ASH1L: variants seen among roughly 807,000 people sequenced by gnomAD.
ASH1L encodes the protein histone-lysine N-methyltransferase ASH1L.
ASH1L carries 23 observed loss-of-function variants against 269.0 expected under a neutral mutation model. The observed-to-expected ratio is 0.09, with a 90% CI of 0.06 to 0.12. ASH1L has a LOEUF of 0.12. ASH1L is among the 10% of genes least tolerant of loss of function. The pLI, the probability that ASH1L is intolerant of heterozygous loss-of-function variation, is 1.00. For synonymous variants in ASH1L, 1,187 were observed against 1,253.5 expected (o/e 0.95, Z 1.12); for missense variants, 2,912 against 3,567.8 (o/e 0.82, Z 4.68).
chr1:155,393,009 A>G (rs899873053), intron 7 of ASH1L, among the ~76,000 whole-genome samples: 1 of 152,026 alleles, frequency 6.6e-6, no homozygotes, highest in Non-Finnish European at 1.5e-5. Context: ...TTCAAAGCCT[A>G]TTTATCATTA....
chr1:155,364,798 C>T (rs997152010), intron 12 of ASH1L, among the ~76,000 whole-genome samples: 2 of 151,542 alleles, frequency 1.3e-5, no homozygotes, highest in African/African-American at 4.9e-5. Flanking sequence ...AAAAATTAAC[C>T]AGGCATGGTG....
At chr1:155,366,736 C>A (rs969970060) in intron 12 of ASH1L, among the ~76,000 whole-genome samples, 1 of 151,972 alleles carries the variant, frequency 6.6e-6, no homozygotes, top group Non-Finnish European at 1.5e-5. Context: ...TGCAGTGGCA[C>A]GATCTCGGCT....
At chr1:155,553,987 G>C (rs1671400785) in intron 1 of ASH1L, among the ~76,000 whole-genome samples, 1 of 151,592 alleles carries the variant, frequency 6.6e-6, no homozygotes, top group African/African-American at 2.4e-5. Flanking sequence ...AGTGGAGATG[G>C]GGTTTCACCA....
At chr1:155,445,749 T>C (rs1662958896) in intron 4 of ASH1L, among the ~76,000 whole-genome samples, 2 of 152,198 alleles carry the variant, frequency 1.3e-5, no homozygotes, top group Non-Finnish European at 2.9e-5. Flanking sequence ...AATGAGTCTT[T>C]CAAAAATGCC....
chr1:155,486,854 T>TC (rs1666360554), intron 2 of ASH1L, among the ~76,000 whole-genome samples: 1 of 151,018 alleles, frequency 6.6e-6, no homozygotes, highest in Non-Finnish European at 1.5e-5. Context: ...GTATTACAGT[T>TC]TAAAAAAAAA....
At chr1:155,533,717 CAA>C (rs569067721) in intron 1 of ASH1L, among the ~76,000 whole-genome samples, 21 of 79,702 alleles carry the variant, frequency 2.6e-4, no homozygotes, top group African/African-American at 3.2e-4. Context: ...GACTCCGTCT[CAA>C]AAAAAAAAAA....
intron 1 of ASH1L, among the ~76,000 whole-genome samples, chr1:155,539,442 T>C (rs536058780): frequency 1.0e-5 from 1 of 96,234 alleles, no homozygotes; most frequent in African/African-American, 2.8e-5. Context: ...TGTTTTATTT[T>C]ATATATATAT....
rs61732805 is a variant in ASH1L, at chr1:155,438,845, G to A, written c.5310C>T (p.Val1770=). ...GKPDSLLVPA[V]TSDSCNNSIS... is the part of the protein sequence containing the mutation. ...TGCTATTATTGCAAGAGTCACTTGT[G>A]ACTGCAGGCACTAAAAGGCTGTCTG... The change falls in exon 5 of 28, where the codon GTC becomes GTT. Residue 1770 remains valine, a synonymous_variant. Coordinates refer to ENST00000392403, the MANE Select transcript of ASH1L (RefSeq NM_018489.3). The A allele has an allele frequency of 1.7e-5, 28 of 1,614,122 alleles. No homozygotes were observed. The African/African-American group carries it at 2.1e-4, about 12-fold the overall frequency.
At chr1:155,465,330 A>G (rs1664605355) in intron 3 of ASH1L, among the ~76,000 whole-genome samples, 1 of 150,622 alleles carries the variant, frequency 6.6e-6, no homozygotes, top group African/African-American at 2.4e-5. Flanking sequence ...TTAAATCAAT[A>G]GTTGGTTGGA....
At position 155,479,589 on chromosome 1, in the gene ASH1L, G is replaced by T; in HGVS notation, c.3281C>A (p.Pro1094His). 6.2e-7 allele frequency: 1 copy of T among 1,614,214 alleles called. No individual in the cohort carries two copies. The change falls in exon 3 of 28, where the codon CCT becomes CAT. Residue 1094 changes from proline (P) to histidine (H), a missense_variant. Physicochemically the swap from Pro to His is moderately conservative, Grantham distance 77. Around this residue, in one of 13 missense-constraint regions of ASH1L, gnomAD observed 157 missense variants for 154.6 expected, o/e 1.02. Coordinates refer to ENST00000392403, the MANE Select transcript of ASH1L (RefSeq NM_018489.3). ...ALGQILPPLL[P>H]SSASSSEILP... ...AATCTCAGAACTACTAGCAGATGAA[G>T]GCAGTAATGGGGGAAGAATCTGTCC...
intron 5 of ASH1L, among the ~76,000 whole-genome samples, chr1:155,427,185 A>G (rs1159664577): frequency 7.1e-6 from 1 of 140,390 alleles, no homozygotes; most frequent in Non-Finnish European, 1.5e-5. Flanking sequence ...CCCAGGCTGG[A>G]GTGAAGTGGT....
chr1:155,550,767 T>A (rs1166266479), intron 1 of ASH1L, among the ~76,000 whole-genome samples: 1 of 152,338 alleles, frequency 6.6e-6, no homozygotes, highest in South Asian at 2.1e-4. Context: ...GGAAGCACTA[T>A]GAAAGCAACA....
chr1:155,460,034 A>G (rs1014674743), intron 3 of ASH1L, 136 bp from the exon 4 acceptor site: 9 of 610,210 alleles, frequency 1.5e-5, no homozygotes, highest in Non-Finnish European at 2.5e-5. Flanking sequence ...TTGTAACCTG[A>G]TATTAGGAGG....
intron 25 of ASH1L, among the ~76,000 whole-genome samples, chr1:155,341,473 G>GC (rs1652813895): frequency 6.6e-6 from 1 of 152,140 alleles, no homozygotes; most frequent in Admixed American, 6.5e-5. Context: ...ACCGCGCCTG[G>GC]CTCACAAATT....
At chr1:155,483,284 T>C (rs778766496) in intron 2 of ASH1L, among the ~76,000 whole-genome samples, 2 of 152,224 alleles carry the variant, frequency 1.3e-5, no homozygotes. Context: ...TAAGCAAATT[T>C]ATAAATTTAA....
chr1:155,357,271 T>A, intron 15 of ASH1L, 45 bp downstream of exon 15: 3 of 1,456,928 alleles, frequency 2.1e-6, no homozygotes, highest in Non-Finnish European at 2.9e-6. Context: ...AGATAAGCAA[T>A]CATGTAACTT....
Position 155,482,150 on chromosome 1 carries a change from T to C in ASH1L, c.720A>G (p.Leu240=). Residue 240 remains leucine, a synonymous_variant, in exon 3 of 28, where the codon TTA becomes TTG. Coordinates refer to ENST00000392403, the MANE Select transcript of ASH1L (RefSeq NM_018489.3). ...SKSSKTKPKK[L]GTGTTAGLVS... ...CCAATCCTGCTGTAGTGCCAGTTCC[T>C]AACTTCTTCGGTTTTGTCTTGGAAG... 6.2e-7 allele frequency: 1 copy of C among 1,614,224 alleles called. No individual in the cohort carries two copies. Among genetic ancestry groups the C allele is most frequent in the Non-Finnish European group, 8.5e-7 (1 of 1,180,020 alleles).
In ASH1L at chr1:155,480,143, T is replaced by C. The variant is rs1665851623; in HGVS notation, c.2727A>G (p.Ser909=). 6.2e-7 allele frequency: 1 copy of C among 1,614,150 alleles called. No individual in the cohort carries two copies. Among genetic ancestry groups the C allele is most frequent in the Non-Finnish European group, 8.5e-7 (1 of 1,179,996 alleles). Residue 909 remains serine, a synonymous_variant, in exon 3 of 28, where the codon TCA becomes TCG. Coordinates refer to ENST00000392403, the MANE Select transcript of ASH1L (RefSeq NM_018489.3). The part of the protein sequence containing the change: ...SPVKMKPPVL[S]VAPFVATESP... ...TTTCAGTGGCAACAAATGGAGCCAC[T>C]GACAGTACAGGTGGCTTCATCTTGA...
intron 2 of ASH1L, among the ~76,000 whole-genome samples, chr1:155,514,233 C>A (rs1315899469): frequency 2.6e-5 from 4 of 152,142 alleles, no homozygotes; most frequent in Non-Finnish European, 5.9e-5. Context: ...ACAAAAAGTG[C>A]ATCTACCTAA....
Sources: gnomAD v4.1 joint callset for allele counts (sites outside exome capture counted in the v4.1 genomes callset) on GRCh38, gnomAD v4.1.1 for gene constraint, gnomAD v4.1.1 regional missense constraint, MANE v1.5 for transcripts, NCBI Gene and HGNC (gene_info 2026-07-23, HGNC 2026-07-21) for gene names.